The following PATJ variants were observed in gnomAD, a reference collection of about 807,000 sequenced individuals.
PATJ encodes PATJ crumbs cell polarity complex component, also known as inaD-like protein.
PATJ carries 190 observed loss-of-function variants against 224.9 expected under a neutral mutation model. The ratio of observed to expected loss-of-function variants is 0.84; its 90% CI spans 0.75 to 0.95. The LOEUF (loss-of-function observed/expected upper bound fraction) is 0.95, where lower values mean the gene tolerates loss of function less well. Among genes scored for constraint, PATJ ranks in the 40% least tolerant of loss-of-function variants. The pLI, the probability that PATJ is intolerant of heterozygous loss-of-function variation, is 0.00. For synonymous variants in PATJ, 769 were observed against 820.3 expected, an observed-to-expected ratio of 0.94 and a Z score of 1.07; for missense variants, 2,121 against 2,270.3, an observed-to-expected ratio of 0.93 and a Z score of 1.34.
intron 17 of PATJ, among the ~76,000 whole-genome samples, chr1:61,852,790 A>G (rs1190017665): frequency 6.6e-6 from 1 of 152,196 alleles, no homozygotes; most frequent in Non-Finnish European, 1.5e-5. Context: ...AGCCTCAAGA[A>G]TAGCAGCCAC....
At chr1:62,035,061 A>G (rs890001792) in intron 29 of PATJ, among the ~76,000 whole-genome samples, 1 of 152,186 alleles carries the variant, frequency 6.6e-6, no homozygotes, top group Non-Finnish European at 1.5e-5. Flanking sequence ...TGTGGTGTTC[A>G]ATGGGAGAAA....
At chr1:61,801,064 G>A (rs1652388402) in intron 11 of PATJ, among the ~76,000 whole-genome samples, 2 of 152,212 alleles carry the variant, frequency 1.3e-5, no homozygotes, top group African/African-American at 4.8e-5. Flanking sequence ...CTTTACAGCA[G>A]CATGATTTAT....
At chr1:61,809,684 G>T (rs1048746549) in intron 14 of PATJ, among the ~76,000 whole-genome samples, 1 of 151,914 alleles carries the variant, frequency 6.6e-6, no homozygotes, top group African/African-American at 2.4e-5. Flanking sequence ...ACAGCGCCAG[G>T]CTAAAAATGT....
intron 29 of PATJ, among the ~76,000 whole-genome samples, chr1:62,022,354 T>C (rs899325153): frequency 6.6e-6 from 1 of 152,236 alleles, no homozygotes; most frequent in African/African-American, 2.4e-5. Context: ...TTTCGCATCA[T>C]TAGATTTTGG....
intron 31 of PATJ, among the ~76,000 whole-genome samples, chr1:62,060,362 A>T (rs1455429688): frequency 6.6e-6 from 1 of 151,778 alleles, no homozygotes; most frequent in Non-Finnish European, 1.5e-5. Context: ...TTCAACTTTT[A>T]TTTTATTTTT....
intron 27 of PATJ, among the ~76,000 whole-genome samples, chr1:61,977,130 C>G (rs934538366): frequency 2.0e-5 from 3 of 152,044 alleles, no homozygotes; most frequent in African/African-American, 7.3e-5. Context: ...CTCTGTTGCT[C>G]GGGCTGGAGT....
intron 30 of PATJ, chr1:62,038,352 G>A (rs576760442): frequency 5.1e-4 from 98 of 192,222 alleles, no homozygotes; most frequent in Non-Finnish European, 7.8e-4. Flanking sequence ...TGACTGAATT[G>A]TACCCCTTTC....
At chr1:61,952,062 A>G (rs915827999) in intron 27 of PATJ, 3 of 309,050 alleles carry the variant, frequency 9.7e-6, no homozygotes, top group Admixed American at 4.5e-5. Context: ...TGTCACAGTC[A>G]GCAGCGTGAA....
At chr1:61,769,650 A>C (rs1484220109) in intron 5 of PATJ, among the ~76,000 whole-genome samples, 1 of 152,170 alleles carries the variant, frequency 6.6e-6, no homozygotes, top group Non-Finnish European at 1.5e-5. Context: ...GAAAGCTGAG[A>C]TTCAGAGAGG....
chr1:62,084,900 T>A (rs1659766231), intron 33 of PATJ, among the ~76,000 whole-genome samples: 1 of 152,160 alleles, frequency 6.6e-6, no homozygotes, highest in African/African-American at 2.4e-5. Flanking sequence ...AGCAGATCGC[T>A]TAAGCCCAGG....
At chr1:61,882,849 A>G (rs959738921) in intron 21 of PATJ, among the ~76,000 whole-genome samples, 8 of 152,230 alleles carry the variant, frequency 5.3e-5, no homozygotes, top group African/African-American at 1.9e-4. Context: ...TACAGGCATG[A>G]GCACCTGCGC....
At chr1:61,760,012 G>A (rs1307241631) in intron 1 of PATJ, among the ~76,000 whole-genome samples, 2 of 152,132 alleles carry the variant, frequency 1.3e-5, no homozygotes. Flanking sequence ...TGCATTCTTC[G>A]ATTTAGAGAG....
At chr1:62,029,889 C>A (rs1206331443) in intron 29 of PATJ, among the ~76,000 whole-genome samples, 2 of 152,174 alleles carry the variant, frequency 1.3e-5, no homozygotes, top group Non-Finnish European at 2.9e-5. Flanking sequence ...ACTACAAAGA[C>A]ATGCAAATAA....
At chr1:62,044,974 C>T (rs1299093768) in intron 30 of PATJ, among the ~76,000 whole-genome samples, 1 of 152,146 alleles carries the variant, frequency 6.6e-6, no homozygotes, top group Non-Finnish European at 1.5e-5. Context: ...TCCCGACACT[C>T]TGGGAGGCCG....
intron 41 of PATJ, among the ~76,000 whole-genome samples, chr1:62,132,290 A>G (rs1241109438): frequency 6.6e-6 from 1 of 152,202 alleles, no homozygotes; most frequent in Non-Finnish European, 1.5e-5. Flanking sequence ...TTATTTAAGA[A>G]TATGGAAGCA....
At chr1:61,783,953 A>G (rs1018703820) in intron 7 of PATJ, among the ~76,000 whole-genome samples, 12 of 152,000 alleles carry the variant, frequency 7.9e-5, no homozygotes, top group African/African-American at 2.9e-4. Flanking sequence ...CATGTTGGCC[A>G]GGCTGGTTTG....
At chr1:61,777,636 G>A (rs1276603097) in intron 7 of PATJ, among the ~76,000 whole-genome samples, 4 of 150,356 alleles carry the variant, frequency 2.7e-5, no homozygotes, top group Admixed American at 2.0e-4. Context: ...GAAATATGTC[G>A]GTATTTGGAA....
intron 31 of PATJ, among the ~76,000 whole-genome samples, chr1:62,079,102 G>A (rs949131344): frequency 6.6e-6 from 1 of 152,070 alleles, no homozygotes; most frequent in Non-Finnish European, 1.5e-5. Context: ...AGATAAAGGG[G>A]CTTCTTGCTG....
At chr1:62,037,380 C>T (rs1019470523) in intron 29 of PATJ, among the ~76,000 whole-genome samples, 14 of 152,080 alleles carry the variant, frequency 9.2e-5, no homozygotes, top group African/African-American at 3.4e-4. Flanking sequence ...GTTTCAGCTG[C>T]CATCTACTCT....
Sources: allele counts gnomAD v4.1 joint callset (sites outside exome capture counted in the v4.1 genomes callset), GRCh38; gene constraint gnomAD v4.1.1; transcripts MANE v1.5; gene names NCBI Gene and HGNC (gene_info 2026-07-23, HGNC 2026-07-21).